Variants in THOC5 observed in about 807,000 individuals in gnomAD.
THOC5 encodes the protein Fms-interacting protein.
THOC5 carries 43 observed loss-of-function variants against 92.9 expected under a neutral mutation model. That is an observed-to-expected ratio of 0.46 (90% CI 0.36 to 0.60). The LOEUF (loss-of-function observed/expected upper bound fraction) is 0.60. THOC5 is among the 20% of genes least tolerant of loss of function. THOC5 has a pLI of 0.00. For synonymous variants in THOC5, 296 were observed against 320.1 expected (o/e 0.92, Z 0.80); for missense variants, 659 against 849.4 (o/e 0.78, Z 2.79).
chr22:29,537,638 T>C (rs5752940), intron 6 of THOC5, among the ~76,000 whole-genome samples: 30,111 of 151,854 alleles, frequency 0.2, 3,276 homozygotes, highest in East Asian at 0.43. Flanking sequence ...ACGCCTGTAA[T>C]CCCAACACTT....
At chr22:29,535,714 A>C (rs2063746351) in intron 7 of THOC5, 1 of 152,240 alleles carries the variant, frequency 6.6e-6, no homozygotes, top group Non-Finnish European at 1.5e-5. Flanking sequence ...GAGAAAATTT[A>C]ACCATGCAGA....
intron 6 of THOC5, 40 bp downstream of exon 6, chr22:29,539,290 A>C (rs987085569): frequency 6.2e-7 from 1 of 1,601,626 alleles, no homozygotes; most frequent in African/African-American, 1.3e-5. Context: ...CAAAGCACTG[A>C]CACTTTGTGG....
intron 7 of THOC5, among the ~76,000 whole-genome samples, chr22:29,532,475 C>T (rs1162840551): frequency 1.3e-5 from 2 of 151,262 alleles, no homozygotes; most frequent in Non-Finnish European, 2.9e-5. Flanking sequence ...ACCAGCCTGA[C>T]GGACACAGAG....
intron 17 of THOC5, among the ~76,000 whole-genome samples, chr22:29,514,745 C>T (rs2063300863): frequency 6.6e-6 from 1 of 151,838 alleles, no homozygotes; most frequent in South Asian, 2.1e-4. Flanking sequence ...TGCTCTGTCA[C>T]CCAGGCTGGA....
At chr22:29,518,684 T>C (rs1175831131) in intron 15 of THOC5, among the ~76,000 whole-genome samples, 1 of 152,216 alleles carries the variant, frequency 6.6e-6, no homozygotes, top group African/African-American at 2.4e-5. Flanking sequence ...TCACTAAATA[T>C]GTGTCGAATG....
At chr22:29,532,621 T>C (rs1212895103) in intron 7 of THOC5, among the ~76,000 whole-genome samples, 1 of 152,032 alleles carries the variant, frequency 6.6e-6, no homozygotes, top group Non-Finnish European at 1.5e-5. Flanking sequence ...GCCGAGATCA[T>C]GCCATTGCAC....
intron 5 of THOC5, among the ~76,000 whole-genome samples, chr22:29,541,877 A>T (rs797010945): frequency 0.077 from 4,883 of 63,468 alleles, 285 homozygotes; most frequent in South Asian, 0.13. Context: ...AAAAAAAAAA[A>T]AAAAAAAAAA....
At chr22:29,541,362 C>T (rs964939724) in intron 5 of THOC5, among the ~76,000 whole-genome samples, 12 of 151,628 alleles carry the variant, frequency 7.9e-5, no homozygotes, top group African/African-American at 2.9e-4. Flanking sequence ...AAAAAATTAG[C>T]CAGGCATGGT....
At chr22:29,545,324 CAT>C (rs2063993559) in intron 2 of THOC5, among the ~76,000 whole-genome samples, 1 of 152,080 alleles carries the variant, frequency 6.6e-6, no homozygotes, top group Non-Finnish European at 1.5e-5. Context: ...AATCCCAAAC[CAT>C]ATCATTCCGC....
chr22:29,548,903 G>C, intron 2 of THOC5, 149 bp downstream of exon 2: 1 of 656,458 alleles, frequency 1.5e-6, no homozygotes, highest in Non-Finnish European at 2.6e-6. Flanking sequence ...CTTTAGTGAA[G>C]AAACAGGAAT....
chr22:29,529,035 G>A, intron 9 of THOC5, 127 bp downstream of exon 9: 1 of 894,412 alleles, frequency 1.1e-6, no homozygotes. Context: ...TCTACTCCAG[G>A]GTGCTAAGAC....
intron 2 of THOC5, among the ~76,000 whole-genome samples, chr22:29,547,594 ACCTCGTGAT>A (rs1209003201): frequency 1.3e-5 from 2 of 151,760 alleles, no homozygotes; most frequent in African/African-American, 4.8e-5. Context: ...TTAACTCCTG[ACCTCGTGAT>A]CCACCTGCCT....
intron 2 of THOC5, 39 bp downstream of exon 2, chr22:29,549,013 G>A: frequency 2.5e-6 from 4 of 1,600,390 alleles, no homozygotes; most frequent in East Asian, 4.5e-5. Flanking sequence ...GCCATGAGAT[G>A]TAATTTCTCA....
Position 29,531,933 on chromosome 22 carries a change from T to A in THOC5, c.745A>T (p.Met249Leu), listed in dbSNP as rs200730095. 2 of 1,614,182 alleles carry A rather than the reference T, an allele frequency of 1.2e-6. No individual in the cohort carries two copies. The highest frequency in any genetic ancestry group is 8.5e-7 in the Non-Finnish European group (1 of 1,180,034). Reference sequence around the variant, plus strand: ...TGCTTGTGAGCCTGGTCGAATGGCATAAACAGGTACTCCTGCACCGGAAGG... The same window carrying A: ...TGCTTGTGAGCCTGGTCGAATGGCAAAAACAGGTACTCCTGCACCGGAAGG... ...ASLPVQEYLF[M>L]PFDQAHKQYE... Residue 249 changes from methionine (M) to leucine (L), a missense_variant, in exon 8 of 20, where the codon ATG becomes TTG. Physicochemically the swap from Met to Leu is conservative, Grantham distance 15. Transcript: ENST00000490103.
At chr22:29,538,311 AAACAAC>A (rs2063802537) in intron 6 of THOC5, among the ~76,000 whole-genome samples, 1 of 152,168 alleles carries the variant, frequency 6.6e-6, no homozygotes, top group African/African-American at 2.4e-5. Context: ...CAAAAAATGG[AAACAAC>A]CTAAAATCCA....
chr22:29,514,733 C>A (rs2063300499), intron 17 of THOC5, among the ~76,000 whole-genome samples: 1 of 151,666 alleles, frequency 6.6e-6, no homozygotes, highest in South Asian at 2.1e-4. Context: ...GAGACGGAGT[C>A]TTGCTCTGTC....
chr22:29,532,037 C>T (rs1436169851), intron 7 of THOC5, 74 bp from the exon 8 acceptor site: 21 of 1,535,492 alleles, frequency 1.4e-5, no homozygotes, highest in Middle Eastern at 1.7e-4. Context: ...TACTTAGTGA[C>T]CGTAAATCAT....
At chr22:29,543,692 G>T in intron 3 of THOC5, 150 bp from the exon 4 acceptor site, 1 of 537,906 alleles carries the variant, frequency 1.9e-6, no homozygotes. Flanking sequence ...AAAATAAGAG[G>T]ATGATTGTAT....
intron 2 of THOC5, among the ~76,000 whole-genome samples, chr22:29,548,580 A>T (rs945345179): frequency 1.3e-5 from 2 of 152,242 alleles, no homozygotes; most frequent in South Asian, 4.2e-4. Flanking sequence ...TAAATAGCTA[A>T]GTCACAAATG....
Sources: gnomAD v4.1 joint callset for allele counts (sites outside exome capture counted in the v4.1 genomes callset) on GRCh38, gnomAD v4.1.1 for gene constraint, MANE v1.5 for transcripts, NCBI Gene and HGNC (gene_info 2026-07-23, HGNC 2026-07-21) for gene names.